Variants in ZMAT4 observed in about 807,000 individuals in gnomAD.
ZMAT4 encodes zinc finger matrin-type 4.
Under a neutral mutation model 28.7 loss-of-function variants are expected in ZMAT4, and 17 were observed. The ratio of observed to expected loss-of-function variants is 0.59; its 90% confidence interval spans 0.41 to 0.89. The LOEUF (loss-of-function observed/expected upper bound fraction) is 0.89. Among genes scored for constraint, ZMAT4 ranks in the 40% least tolerant of loss-of-function variants. The pLI is 0.00. For synonymous variants in ZMAT4, 117 were observed against 109.2 expected (o/e 1.07, Z -0.44); for missense variants, 240 against 283.8 (o/e 0.85, Z 1.11).
At chr8:40,700,771 C>A (rs1810109696) in intron 3 of ZMAT4, among the ~76,000 whole-genome samples, 1 of 152,056 alleles carries the variant, frequency 6.6e-6, no homozygotes, top group Admixed American at 6.5e-5. Flanking sequence ...TGAGAACCAG[C>A]CTTTGGGTCT....
At chr8:40,860,486 A>G (rs1219153515) in intron 1 of ZMAT4, among the ~76,000 whole-genome samples, 1 of 152,220 alleles carries the variant, frequency 6.6e-6, no homozygotes, top group Non-Finnish European at 1.5e-5. Context: ...GTTACATTGG[A>G]CAACAGCAAT....
chr8:40,762,340 G>T (rs1812977276), intron 3 of ZMAT4, among the ~76,000 whole-genome samples: 1 of 152,166 alleles, frequency 6.6e-6, no homozygotes, highest in Admixed American at 6.6e-5. Flanking sequence ...ATAAGAAGGA[G>T]AGAGAACACA....
chr8:40,795,341 G>A (rs573557001), intron 2 of ZMAT4, among the ~76,000 whole-genome samples: 10 of 152,242 alleles, frequency 6.6e-5, no homozygotes, highest in African/African-American at 1.9e-4. Context: ...CAAACCTCAC[G>A]AGGTCTGTCC....
intron 2 of ZMAT4, among the ~76,000 whole-genome samples, chr8:40,795,413 C>T (rs1002924729): frequency 6.6e-6 from 1 of 152,206 alleles, no homozygotes; most frequent in African/African-American, 2.4e-5. Flanking sequence ...CCATGATCAC[C>T]AGACCATGAG....
chr8:40,592,155 C>G (rs1804914156), intron 5 of ZMAT4, among the ~76,000 whole-genome samples: 1 of 152,156 alleles, frequency 6.6e-6, no homozygotes, highest in Non-Finnish European at 1.5e-5. Flanking sequence ...AAGCACAGCT[C>G]TTAGGGTGTC....
At chr8:40,548,508 T>C (rs1354884444) in intron 6 of ZMAT4, among the ~76,000 whole-genome samples, 1 of 152,208 alleles carries the variant, frequency 6.6e-6, no homozygotes, top group African/African-American at 2.4e-5. Context: ...ATTAATGTCA[T>C]GAAATTTAAA....
intron 5 of ZMAT4, among the ~76,000 whole-genome samples, chr8:40,624,120 A>T (rs1050684126): frequency 2.0e-5 from 3 of 152,198 alleles, no homozygotes; most frequent in Non-Finnish European, 4.4e-5. Context: ...CCCAAAATTC[A>T]TATGTTGAAG....
At chr8:40,893,129 C>A (rs1415533091) in intron 1 of ZMAT4, among the ~76,000 whole-genome samples, 1 of 152,204 alleles carries the variant, frequency 6.6e-6, no homozygotes, top group East Asian at 1.9e-4. Flanking sequence ...ATATAACATC[C>A]CCTCCTAAAC....
At chr8:40,602,682 G>C (rs1394120945) in intron 5 of ZMAT4, among the ~76,000 whole-genome samples, 1 of 152,024 alleles carries the variant, frequency 6.6e-6, no homozygotes, top group Non-Finnish European at 1.5e-5. Flanking sequence ...TTTGAGAATT[G>C]TCTATTTATG....
intron 6 of ZMAT4, among the ~76,000 whole-genome samples, chr8:40,574,149 T>A (rs1199259941): frequency 6.6e-6 from 1 of 152,152 alleles, no homozygotes; most frequent in African/African-American, 2.4e-5. Context: ...CAAAATAAAT[T>A]CTGGATATTA....
At chr8:40,570,225 G>A (rs1804050274) in intron 6 of ZMAT4, among the ~76,000 whole-genome samples, 1 of 152,178 alleles carries the variant, frequency 6.6e-6, no homozygotes, top group African/African-American at 2.4e-5. Flanking sequence ...TAGCTGTGAT[G>A]GGGGTAGGAA....
chr8:40,595,247 G>C (rs991499281), intron 5 of ZMAT4, among the ~76,000 whole-genome samples: 1 of 152,254 alleles, frequency 6.6e-6, no homozygotes, highest in East Asian at 1.9e-4. Context: ...GCTTTGGGGA[G>C]AGTAGCAATA....
chr8:40,812,935 A>AAAATTAAATTAAATT (rs67062060), intron 2 of ZMAT4, among the ~76,000 whole-genome samples: 11 of 78,042 alleles, frequency 1.4e-4, no homozygotes, highest in African/African-American at 4.1e-4. Flanking sequence ...CTCCATCTCA[A>AAAATTAAATTAAATT]AAATTAAATT....
At chr8:40,677,847 C>CA (rs984061513) in intron 4 of ZMAT4, among the ~76,000 whole-genome samples, 3 of 152,138 alleles carry the variant, frequency 2.0e-5, no homozygotes, top group Admixed American at 6.5e-5. Flanking sequence ...ATTCTAATTG[C>CA]AAAAAATATT....
At chr8:40,862,133 C>T (rs1026727803) in intron 1 of ZMAT4, among the ~76,000 whole-genome samples, 22 of 91,408 alleles carry the variant, frequency 2.4e-4, no homozygotes, top group Admixed American at 5.0e-4. Flanking sequence ...ATGTTTATTG[C>T]GGCACTATAC....
intron 1 of ZMAT4, among the ~76,000 whole-genome samples, chr8:40,834,886 A>T (rs1816420819): frequency 6.6e-6 from 1 of 152,222 alleles, no homozygotes; most frequent in Non-Finnish European, 1.5e-5. Flanking sequence ...GGCAAGAGCC[A>T]TTCTATCTGG....
chr8:40,853,063 C>T (rs1396573930), intron 1 of ZMAT4, among the ~76,000 whole-genome samples: 1 of 152,108 alleles, frequency 6.6e-6, no homozygotes, highest in Non-Finnish European at 1.5e-5. Flanking sequence ...GTTTGTCTAC[C>T]AGTCATTTTT....
chr8:40,694,257 T>C (rs532808328), intron 4 of ZMAT4, among the ~76,000 whole-genome samples: 3 of 152,144 alleles, frequency 2.0e-5, no homozygotes, highest in Non-Finnish European at 4.4e-5. Flanking sequence ...CTGTACTTGA[T>C]AATTCAGGAG....
intron 5 of ZMAT4, among the ~76,000 whole-genome samples, chr8:40,637,933 A>T: frequency 6.6e-6 from 1 of 152,372 alleles, no homozygotes; most frequent in Non-Finnish European, 1.5e-5. Flanking sequence ...AGAGAACATT[A>T]TGCAAAGTGA....
Sources: gnomAD v4.1 joint callset for allele counts (sites outside exome capture counted in the v4.1 genomes callset) on GRCh38, gnomAD v4.1.1 for gene constraint, MANE v1.5 for transcripts, NCBI Gene and HGNC (gene_info 2026-07-23, HGNC 2026-07-21) for gene names.